PKIB: variants seen among roughly 807,000 people sequenced by gnomAD.
The protein encoded by PKIB is cAMP-dependent protein kinase inhibitor beta, also known as PKI-beta.
Under a neutral mutation model 4.5 loss-of-function variants are expected in PKIB, and 2 were observed. The ratio of observed to expected loss-of-function variants is 0.44; its 90% confidence interval spans 0.18 to 1.39. PKIB has a LOEUF of 1.39. Among genes scored for constraint, PKIB ranks in the 40% most tolerant of loss-of-function variants. The pLI is 0.27. For synonymous variants in PKIB, 38 were observed against 36.0 expected (o/e 1.06, Z -0.20); for missense variants, 94 against 92.6 (o/e 1.02, Z -0.06).
intron 2 of PKIB, among the ~76,000 whole-genome samples, chr6:122,565,236 T>TCTG (rs1358821548): frequency 6.6e-6 from 1 of 152,168 alleles, no homozygotes; most frequent in African/African-American, 2.4e-5. Flanking sequence ...AACACCTTCT[T>TCTG]CTGGCAGAAA....
intron 2 of PKIB, among the ~76,000 whole-genome samples, chr6:122,524,186 C>T: frequency 6.8e-6 from 1 of 147,110 alleles, no homozygotes; most frequent in Non-Finnish European, 1.5e-5. Flanking sequence ...TCCTCTTCAT[C>T]CTCCTCTTCT....
chr6:122,593,637 G>T (rs1292894096), intron 3 of PKIB, among the ~76,000 whole-genome samples: 2 of 152,160 alleles, frequency 1.3e-5, no homozygotes, highest in Non-Finnish European at 2.9e-5. Flanking sequence ...AGGCAATATA[G>T]ATGGTATTTC....
At chr6:122,577,784 C>T (rs563764604) in intron 2 of PKIB, among the ~76,000 whole-genome samples, 1 of 151,736 alleles carries the variant, frequency 6.6e-6, no homozygotes, top group Non-Finnish European at 1.5e-5. Flanking sequence ...TGGTGGCCGC[C>T]TGTAGTCCCA....
At chr6:122,630,977 G>A (rs1775675978) in intron 1 of PKIB, among the ~76,000 whole-genome samples, 1 of 152,144 alleles carries the variant, frequency 6.6e-6, no homozygotes, top group Admixed American at 6.6e-5. Context: ...GCATGGATTA[G>A]CAGCATTTTT....
rs548951530 is a variant in PKIB, at chr6:122,537,337, C to A, written c.-247-48584C>A. Among the ~76,000 whole-genome samples, 19 of 151,980 alleles carry A rather than the reference C, an allele frequency of 1.3e-4. No homozygotes were observed. The East Asian group carries it at 3.3e-3, about 27-fold the overall frequency. On this transcript the variant is annotated intron_variant, in intron 2 of 6. Transcript: ENST00000392491. Reference sequence around the variant, plus strand: ...CCCCCTCCCTGCACCCCACAACAGACCCCAGTGTGTGATGTTCCCCTTCCT... The same window carrying A: ...CCCCCTCCCTGCACCCCACAACAGAACCCAGTGTGTGATGTTCCCCTTCCT...
chr6:122,650,440 A>C (rs1332516215), intron 2 of PKIB, among the ~76,000 whole-genome samples: 1 of 152,204 alleles, frequency 6.6e-6, no homozygotes, highest in African/African-American at 2.4e-5. Context: ...ACCCTTGTTT[A>C]TATACAGATT....
chr6:122,577,316 C>T (rs1046003577), intron 2 of PKIB, among the ~76,000 whole-genome samples: 14 of 152,150 alleles, frequency 9.2e-5, no homozygotes, highest in South Asian at 2.1e-4. Flanking sequence ...GGATGAGGGA[C>T]GCAGGGTTGG....
At chr6:122,570,820 T>C (rs1167996995) in intron 2 of PKIB, among the ~76,000 whole-genome samples, 3 of 151,938 alleles carry the variant, frequency 2.0e-5, no homozygotes, top group Non-Finnish European at 2.9e-5. Context: ...ACCAGAAAAG[T>C]AATTCTGGTA....
At chr6:122,708,790 C>A (rs142774790) in intron 3 of PKIB, among the ~76,000 whole-genome samples, 1 of 152,046 alleles carries the variant, frequency 6.6e-6, no homozygotes, top group Non-Finnish European at 1.5e-5. Context: ...TGCGTCACCA[C>A]GCCTGGCTAA....
chr6:122,589,764 G>A (rs1773962995), intron 3 of PKIB, among the ~76,000 whole-genome samples: 1 of 151,936 alleles, frequency 6.6e-6, no homozygotes, highest in South Asian at 2.1e-4. Context: ...CATTATTACA[G>A]GAAAAAGAAA....
intron 2 of PKIB, among the ~76,000 whole-genome samples, chr6:122,642,279 G>A (rs1322358979): frequency 1.3e-5 from 2 of 152,124 alleles, no homozygotes; most frequent in African/African-American, 4.8e-5. Context: ...GGGTTACATA[G>A]CTAGTTAATG....
intron 3 of PKIB, among the ~76,000 whole-genome samples, chr6:122,711,149 A>C (rs1392224110): frequency 2.0e-5 from 3 of 152,138 alleles, no homozygotes; most frequent in Non-Finnish European, 4.4e-5. Flanking sequence ...ACACACAAAC[A>C]CACACACCAC....
chr6:122,636,271 ATG>A (rs1203855398), intron 2 of PKIB, among the ~76,000 whole-genome samples: 5 of 152,108 alleles, frequency 3.3e-5, no homozygotes, highest in African/African-American at 1.2e-4. Flanking sequence ...ATTAGAAAAA[ATG>A]TTATATTTTT....
At chr6:122,684,029 C>T (rs542220663) in intron 3 of PKIB, among the ~76,000 whole-genome samples, 1 of 152,256 alleles carries the variant, frequency 6.6e-6, no homozygotes, top group African/African-American at 2.4e-5. Context: ...AAAAAGAAGA[C>T]AATTCTATTA....
At chr6:122,575,399 G>A (rs1416321383) in intron 2 of PKIB, among the ~76,000 whole-genome samples, 2 of 151,984 alleles carry the variant, frequency 1.3e-5, no homozygotes, top group South Asian at 4.1e-4. Context: ...GGTAGATCCA[G>A]CAGTTCCACT....
At chr6:122,500,390 T>C (rs1196323836) in intron 2 of PKIB, among the ~76,000 whole-genome samples, 1 of 152,220 alleles carries the variant, frequency 6.6e-6, no homozygotes, top group Non-Finnish European at 1.5e-5. Context: ...AGAAGATTGC[T>C]TCTACATTCT....
chr6:122,611,867 C>T (rs1423441215), intron 1 of PKIB, among the ~76,000 whole-genome samples: 1 of 152,070 alleles, frequency 6.6e-6, no homozygotes, highest in Non-Finnish European at 1.5e-5. Context: ...GGTCAATGCC[C>T]CCCTAGTGAC....
chr6:122,712,663 G>C (rs956363134), intron 3 of PKIB, among the ~76,000 whole-genome samples: 1 of 152,092 alleles, frequency 6.6e-6, no homozygotes, highest in Non-Finnish European at 1.5e-5. Flanking sequence ...CATACCTCCA[G>C]GGAACTAATT....
chr6:122,568,765 T>C (rs1336344978), intron 2 of PKIB, among the ~76,000 whole-genome samples: 1 of 152,148 alleles, frequency 6.6e-6, no homozygotes, highest in Admixed American at 6.5e-5. Context: ...CAAATGGGAA[T>C]TGCACTGCAG....
Sources: gnomAD v4.1 joint callset for allele counts (sites outside exome capture counted in the v4.1 genomes callset) on GRCh38, gnomAD v4.1.1 for gene constraint, MANE v1.5 for transcripts, NCBI Gene and HGNC (gene_info 2026-07-23, HGNC 2026-07-21) for gene names.